Variants in RASL11A observed in about 807,000 individuals in gnomAD.
The protein encoded by RASL11A is RAS like family 11 member A, also known as ras-like protein family member 11A.
A neutral mutation model predicts 17.1 loss-of-function variants in RASL11A; 14 were observed. The observed-to-expected ratio is 0.82, with a 90% CI of 0.54 to 1.28. The LOEUF (loss-of-function observed/expected upper bound fraction) is 1.28. Among genes scored for constraint, RASL11A ranks in the 50% most tolerant of loss-of-function variants. The probability of loss-of-function intolerance (pLI) is 0.00; values close to 1 mark genes in which losing one functional copy is unlikely to be tolerated. For synonymous variants in RASL11A, 146 were observed against 132.5 expected (o/e 1.10, Z -0.70); for missense variants, 283 against 312.3 (o/e 0.91, Z 0.71).
chr13:27,272,771 G>C (rs555331525), intron 3 of RASL11A, among the ~76,000 whole-genome samples: 1 of 152,336 alleles, frequency 6.6e-6, no homozygotes, highest in South Asian at 2.1e-4. Context: ...TGGTTCACCA[G>C]AGACTGCCTG....
chr13:27,273,090 T>C lies in RASL11A; in HGVS notation c.325T>C (p.Phe109Leu). ...LSKCVQWAEG[F>L]LLVYSITDYD... ...CAAATGCGTGCAGTGGGCCGAGGGT[T>C]TTCTGCTGGTCTATTCCATCACAGA... Residue 109 changes from phenylalanine to leucine, a missense_variant, in exon 4 of 4, where the codon TTT becomes CTT. Phe to Leu is a conservative substitution (Grantham distance 22, BLOSUM62 0). Transcript: ENST00000241463. 3.1e-6 allele frequency: 5 copies of C among 1,614,108 alleles called. No homozygotes were observed. The highest frequency in any genetic ancestry group is 4.2e-6 in the Non-Finnish European group (5 of 1,180,020).
In RASL11A at chr13:27,273,868, G is replaced by A. The variant is rs186084577; in HGVS notation, c.*374G>A. The stretch of plus-strand genomic sequence containing the variant: ...CAGTCTGAACTCTGATTGGTGTCTC[G>A]CAGTGGGGAGGAGTTCATGTAGAGG... On this transcript the variant is annotated 3_prime_UTR_variant, in exon 4 of 4. Transcript: ENST00000241463. Among the ~76,000 whole-genome samples the A allele has an allele frequency of 7.2e-5, 11 of 151,918 alleles. No homozygotes were observed. Among genetic ancestry groups the A allele is most frequent in the Admixed American group, 3.3e-4 (5 of 15,250 alleles).
rs977158716 is a variant in RASL11A at position 27,271,174 on chromosome 13, T to A, written c.124+106T>A. 2.7e-6 allele frequency: 4 copies of A among 1,476,754 alleles called. No individual in the cohort carries two copies. The African/African-American group carries it at 5.7e-5, about 21-fold the overall frequency. 91.5% of individuals were successfully genotyped at this position (1,476,754 alleles called of 1,614,324 possible). On this transcript the variant is annotated intron_variant, in intron 1 of 3. Coordinates refer to ENST00000241463, the MANE Select transcript of RASL11A (RefSeq NM_206827.2). ...CCTCGGCCGAAGCAGAGGGCGCGGGTGCAGGTAGAATCGGGCTGCTTTCGC... is the reference window on the plus strand; with the variant it reads ...CCTCGGCCGAAGCAGAGGGCGCGGGAGCAGGTAGAATCGGGCTGCTTTCGC...
chr13:27,272,216 GCGATTCTCCT>G (rs1305017322), intron 3 of RASL11A, among the ~76,000 whole-genome samples: 3 of 152,132 alleles, frequency 2.0e-5, no homozygotes, highest in Non-Finnish European at 4.4e-5. Flanking sequence ...CTAGGTTCCA[GCGATTCTCCT>G]CGATTCTCCT....
chr13:27,275,029 A>G lies in RASL11A; in HGVS notation c.*1535A>G, dbSNP rs1465071801. On this transcript the variant is annotated 3_prime_UTR_variant, in exon 4 of 4. Transcript: ENST00000241463. Reference sequence around the variant, plus strand: ...GGCAATCACAGACCATTACCCTTCCAAAAGGACAGCTCTGTCCAGACCTGT... The same window carrying G: ...GGCAATCACAGACCATTACCCTTCCGAAAGGACAGCTCTGTCCAGACCTGT... Among the ~76,000 whole-genome samples, 1 of 152,228 alleles carries G rather than the reference A, an allele frequency of 6.6e-6. No homozygotes were observed. The highest frequency in any genetic ancestry group is 1.5e-5 in the Non-Finnish European group (1 of 68,048).
In RASL11A at chr13:27,271,465, T is replaced by A; in HGVS notation, c.125-19T>A. On this transcript the variant is annotated intron_variant, in intron 1 of 3. Transcript: ENST00000241463. ...GGCTTGTTCTACTCCTTCGGTTGATTTTCCTATTTCCTTTTCAGCAATGAT... is the reference window on the plus strand; with the variant it reads ...GGCTTGTTCTACTCCTTCGGTTGATATTCCTATTTCCTTTTCAGCAATGAT... 1 of 1,614,102 alleles carries A rather than the reference T, an allele frequency of 6.2e-7. No homozygotes were observed. The highest frequency in any genetic ancestry group is 8.5e-7 in the Non-Finnish European group (1 of 1,179,972).
chr13:27,271,591 C>T (rs750740434), intron 2 of RASL11A, 48 bp from the exon 3 acceptor site: 14 of 1,612,804 alleles, frequency 8.7e-6, no homozygotes, highest in Admixed American at 5.0e-5. Flanking sequence ...TTTCTTTTTA[C>T]GGATGGGAGT....
In RASL11A at chr13:27,274,510, A is replaced by C. The variant is rs1234276255; in HGVS notation, c.*1016A>C. 2.0e-5 allele frequency among the ~76,000 whole-genome samples: 3 copies of C among 152,152 alleles called. No individual in the cohort carries two copies. The highest frequency in any genetic ancestry group is 2.9e-5 in the Non-Finnish European group (2 of 68,028). On this transcript the variant is annotated 3_prime_UTR_variant, in exon 4 of 4. Coordinates refer to ENST00000241463, the MANE Select transcript of RASL11A (RefSeq NM_206827.2). Reference sequence around the variant, plus strand: ...CACACACCAGCAGTCAGTCCATTCCAACAGATTGTCTTTCTCAGCTGCTCC... The same window carrying C: ...CACACACCAGCAGTCAGTCCATTCCCACAGATTGTCTTTCTCAGCTGCTCC...
In RASL11A at chr13:27,273,577, TCA is replaced by T; in HGVS notation, c.*84_*85del. On this transcript the variant is annotated 3_prime_UTR_variant, in exon 4 of 4. Transcript: ENST00000241463. ...GGCTTCTCGCTTTTTAATCACACAT[TCA>T]GAGTTTATTTTTATAAAAAAATTGA... 2 of 1,012,168 alleles carry T rather than the reference TCA, an allele frequency of 2.0e-6. No individual in the cohort carries two copies. Among genetic ancestry groups the T allele is most frequent in the African/African-American group, 1.6e-5 (1 of 61,264 alleles). 62.7% of individuals were successfully genotyped at this position (1,012,168 alleles called of 1,614,324 possible). A position where few individuals can be genotyped will look rare whatever the true frequency, so the allele number is the denominator to read the frequency against.
rs750488212 is a variant in RASL11A at position 27,273,315 on chromosome 13, G to A, written c.550G>A (p.Asp184Asn). The change falls in exon 4 of 4, where the codon GAT (aspartate) becomes AAT (asparagine). Residue 184 changes from aspartate (D) to asparagine (N), a missense_variant. Asp to Asn is a conservative substitution (Grantham distance 23). Coordinates refer to ENST00000241463, the MANE Select transcript of RASL11A (RefSeq NM_206827.2). ...AATTTCCACTAGCGAAAACTACGAA[G>A]ATGTCTGTGATGTGTTTCAGCATCT... is the stretch of plus-strand genomic sequence containing the variant. Reference protein sequence around the residue: ...LEISTSENYEDVCDVFQHLCK... With the variant: ...LEISTSENYENVCDVFQHLCK... The A allele has an allele frequency of 1.9e-6, 3 of 1,614,110 alleles. No homozygotes were observed. Among genetic ancestry groups the A allele is most frequent in the Non-Finnish European group, 2.5e-6 (3 of 1,180,044 alleles).
chr13:27,273,690 C>CTTTTTTTTT lies in RASL11A; in HGVS notation c.*218_*226dup, dbSNP rs11304490. On this transcript the variant is annotated 3_prime_UTR_variant, in exon 4 of 4. Transcript: ENST00000241463. ...ATTTTGTTTTGTTTTATTAAAAGAA[C>CTTTTTTTTT]TTTTTTTTTTTTTTTTTTTTTTTTT... is the stretch of plus-strand genomic sequence containing the variant. 100 of 72,510 alleles carry CTTTTTTTTT rather than the reference C, an allele frequency of 1.4e-3. 1 individual carries two copies. The highest frequency in any genetic ancestry group is 1.9e-3 in the Non-Finnish European group (76 of 39,976). 4.5% of individuals were successfully genotyped at this position (72,510 alleles called of 1,614,324 possible).
At chr13:27,271,977 G>A (rs1452804689) in intron 3 of RASL11A, among the ~76,000 whole-genome samples, 1 of 152,158 alleles carries the variant, frequency 6.6e-6, no homozygotes, top group Non-Finnish European at 1.5e-5. Flanking sequence ...ACCCTGGTGG[G>A]CCATCACTAC....
intron 3 of RASL11A, 133 bp from the exon 4 acceptor site, chr13:27,272,894 C>T (rs1882337068): frequency 2.8e-6 from 2 of 707,348 alleles, no homozygotes; most frequent in Non-Finnish European, 4.7e-6. Flanking sequence ...TCTGCAGAAG[C>T]TGGGTGGAAA....
In RASL11A at chr13:27,270,980, C is replaced by G; in HGVS notation, c.36C>G (p.Leu12=). 1 of 1,597,026 alleles carries G rather than the reference C, an allele frequency of 6.3e-7. No homozygotes were observed. Among genetic ancestry groups the G allele is most frequent in the Non-Finnish European group, 8.5e-7 (1 of 1,172,394 alleles). Residue 12 remains leucine, a synonymous_variant, in exon 1 of 4, where the codon CTC becomes CTG. Coordinates refer to ENST00000241463, the MANE Select transcript of RASL11A (RefSeq NM_206827.2). ...RPLSMSGHFL[L]APIPESSSDY... ...TCAGCATGTCCGGGCACTTTCTGCT[C>G]GCACCCATCCCCGAGTCCTCCTCGG...
Position 27,270,971 on chromosome 13 carries a change from CT to C in RASL11A, c.30del (p.Leu11CysfsTer33). The C allele has an allele frequency of 6.3e-7, 1 of 1,597,670 alleles. No individual in the cohort carries two copies. Among genetic ancestry groups the C allele is most frequent in the Non-Finnish European group, 8.5e-7 (1 of 1,172,774 alleles). ...TGCGGCCGCTCAGCATGTCCGGGCA[CT>C]TTCTGCTCGCACCCATCCCCGAGTC... MRPLSMSGH[F>X]LLAPIPESSS... is the part of the protein sequence containing the mutation. On this transcript the variant is annotated frameshift_variant, in exon 1 of 4. Transcript: ENST00000241463. LOFTEE classifies it high-confidence loss of function.
rs1882373145 is a variant in RASL11A at position 27,273,550 on chromosome 13, T to C, written c.*56T>C. On this transcript the variant is annotated 3_prime_UTR_variant, in exon 4 of 4. Transcript: ENST00000241463. Reference sequence around the variant, plus strand: ...ATACGCATTTGTGCAGCTAAAAGACTGGGCTTCTCGCTTTTTAATCACACA... The same window carrying C: ...ATACGCATTTGTGCAGCTAAAAGACCGGGCTTCTCGCTTTTTAATCACACA... 5 of 1,356,244 alleles carry C rather than the reference T, an allele frequency of 3.7e-6. No individual in the cohort carries two copies. The highest frequency in any genetic ancestry group is 2.4e-5 in the East Asian group (1 of 42,200). The allele number at this position is 1,356,244 out of a possible 1,614,324, so 84.0% of individuals were successfully genotyped here. A position where few individuals can be genotyped will look rare whatever the true frequency, so the allele number is the denominator to read the frequency against.
In RASL11A at chr13:27,271,055, C is replaced by G. The variant is rs754682406; in HGVS notation, c.111C>G (p.Arg37=). Residue 37 remains arginine, a synonymous_variant, in exon 1 of 4, where the codon CGC becomes CGG. Transcript: ENST00000241463. ...DIKLAVLGAG[R]VGKSAMIVRF... is the part of the protein sequence containing the mutation. ...AACTGGCGGTGCTGGGCGCCGGCCG[C>G]GTGGGCAAGAGCGGTGAGTGCGGCG... 1 of 1,576,448 alleles carries G rather than the reference C, an allele frequency of 6.3e-7. No homozygotes were observed. Among genetic ancestry groups the G allele is most frequent in the East Asian group, 2.3e-5 (1 of 42,764 alleles).
chr13:27,273,566 T>G lies in RASL11A; in HGVS notation c.*72T>G. Reference sequence around the variant, plus strand: ...CTAAAAGACTGGGCTTCTCGCTTTTTAATCACACATTCAGAGTTTATTTTT... The same window carrying G: ...CTAAAAGACTGGGCTTCTCGCTTTTGAATCACACATTCAGAGTTTATTTTT... On this transcript the variant is annotated 3_prime_UTR_variant, in exon 4 of 4. Coordinates refer to ENST00000241463, the MANE Select transcript of RASL11A (RefSeq NM_206827.2). 8.9e-7 allele frequency: 1 copy of G among 1,127,416 alleles called. No homozygotes were observed. The allele number at this position is 1,127,416 out of a possible 1,614,324, so 69.8% of individuals were successfully genotyped here.
In RASL11A at chr13:27,273,074, G is replaced by T. The variant is rs1399746982; in HGVS notation, c.309G>T (p.Val103=). 6.2e-7 allele frequency: 1 copy of T among 1,614,084 alleles called. No homozygotes were observed. Among genetic ancestry groups the T allele is most frequent in the Non-Finnish European group, 8.5e-7 (1 of 1,180,054 alleles). The change falls in exon 4 of 4, where the codon GTG becomes GTT. Residue 103 remains valine, a synonymous_variant. Coordinates refer to ENST00000241463, the MANE Select transcript of RASL11A (RefSeq NM_206827.2). ...PQVVDSLSKC[V]QWAEGFLLVY... ...TCGTCGATTCCCTGTCCAAATGCGT[G>T]CAGTGGGCCGAGGGTTTTCTGCTGG...
Sources: allele counts gnomAD v4.1 joint callset (sites outside exome capture counted in the v4.1 genomes callset), GRCh38; gene constraint gnomAD v4.1.1; transcripts MANE v1.5; gene names NCBI Gene and HGNC (gene_info 2026-07-23, HGNC 2026-07-21).